Variants in LRRK1 observed in about 807,000 individuals in gnomAD.
LRRK1 encodes leucine-rich repeat serine/threonine-protein kinase 1.
Under a neutral mutation model 209.1 loss-of-function variants are expected in LRRK1, and 113 were observed. The ratio of observed to expected loss-of-function variants is 0.54; its 90% CI spans 0.46 to 0.63. The LOEUF is 0.63. LRRK1 is among the 30% of genes least tolerant of loss of function. The probability of loss-of-function intolerance (pLI) is 0.00; values close to 1 mark genes in which losing one functional copy is unlikely to be tolerated. For missense variants in LRRK1, 2,284 were observed against 2,632.2 expected (o/e 0.87, Z 2.89); for synonymous variants, 1,144 against 1,099.7 (o/e 1.04, Z -0.80).
At chr15:100,997,536 T>A (rs551825683) in intron 6 of LRRK1, among the ~76,000 whole-genome samples, 1 of 152,142 alleles carries the variant, frequency 6.6e-6, no homozygotes, top group Non-Finnish European at 1.5e-5. Flanking sequence ...ATACACAACA[T>A]CACTGGCAAT....
intron 12 of LRRK1, among the ~76,000 whole-genome samples, chr15:101,018,837 C>A (rs1351563163): frequency 6.6e-6 from 1 of 152,174 alleles, no homozygotes; most frequent in Non-Finnish European, 1.5e-5. Flanking sequence ...GAAAAGAAGG[C>A]GGCTCTTTGC....
rs544213342 is a variant in LRRK1, at chr15:101,036,282, C to T, written c.2963+7050C>T. Reference sequence around the variant, plus strand: ...ATCACTCATCGAGAAAATATTTACTCATTATTTTCTTCATTTTTCTTTATT... The same window carrying T: ...ATCACTCATCGAGAAAATATTTACTTATTATTTTCTTCATTTTTCTTTATT... On this transcript the variant is annotated intron_variant, in intron 20 of 33. Coordinates refer to ENST00000388948, the MANE Select transcript of LRRK1 (RefSeq NM_024652.6). Among the ~76,000 whole-genome samples, 4 of 152,220 alleles carry T rather than the reference C, an allele frequency of 2.6e-5. No homozygotes were observed. In the East Asian group the frequency reaches 5.8e-4, roughly 22 times the overall value.
rs536611346 is a variant in LRRK1 at position 101,016,520 on chromosome 15, G to A, written c.1609+1118G>A. Among the ~76,000 whole-genome samples, 9 of 151,920 alleles carry A rather than the reference G, an allele frequency of 5.9e-5. No homozygotes were observed. The South Asian group carries it at 1.9e-3, about 32-fold the overall frequency. On this transcript the variant is annotated intron_variant, in intron 12 of 33. Coordinates refer to ENST00000388948, the MANE Select transcript of LRRK1 (RefSeq NM_024652.6). Reference sequence around the variant, plus strand: ...ATAAGAATGTTAATCTCATCATAAGGGCCCCACCCTCATGACCTCATCTAA... The same window carrying A: ...ATAAGAATGTTAATCTCATCATAAGAGCCCCACCCTCATGACCTCATCTAA...
chr15:101,015,500 C>T lies in LRRK1; in HGVS notation c.1609+98C>T, dbSNP rs2033492971. 23 of 836,390 alleles carry T rather than the reference C, an allele frequency of 2.7e-5. No homozygotes were observed. In the South Asian group the frequency reaches 3.1e-4, roughly 11 times the overall value. The allele number at this position is 836,390 out of a possible 1,614,324, so 51.8% of individuals were successfully genotyped here. On this transcript the variant is annotated intron_variant, in intron 12 of 33. Coordinates refer to ENST00000388948, the MANE Select transcript of LRRK1 (RefSeq NM_024652.6). ...GGGGATCGCCCTTATCTTGGGCCTTCCCCTTCAATGCCCTGTTGCAATGCC... is the reference window on the plus strand; with the variant it reads ...GGGGATCGCCCTTATCTTGGGCCTTTCCCTTCAATGCCCTGTTGCAATGCC...
chr15:100,922,778 T>C (rs1425728577), intron 1 of LRRK1, among the ~76,000 whole-genome samples: 1 of 152,166 alleles, frequency 6.6e-6, no homozygotes, highest in Non-Finnish European at 1.5e-5. Context: ...TTTTCAGGCT[T>C]CCCAACTTCA....
At chr15:101,006,588 T>C (rs1377704999) in intron 6 of LRRK1, among the ~76,000 whole-genome samples, 3 of 152,136 alleles carry the variant, frequency 2.0e-5, no homozygotes, top group South Asian at 4.1e-4. Flanking sequence ...TAATATCGTA[T>C]TGATGTTACA....
chr15:100,921,988 G>T (rs1382983432), intron 1 of LRRK1, among the ~76,000 whole-genome samples: 1 of 152,164 alleles, frequency 6.6e-6, no homozygotes, highest in Non-Finnish European at 1.5e-5. Flanking sequence ...AAAGAGCTGG[G>T]ATTACAAGCG....
At position 100,973,985 on chromosome 15, in the gene LRRK1, C is replaced by T. The variant is rs532720389; in HGVS notation, c.261+18C>T. The T allele has an allele frequency of 4.2e-5, 52 of 1,245,612 alleles. No homozygotes were observed. The East Asian group carries it at 1.4e-3, about 34-fold the overall frequency. 77.2% of individuals were successfully genotyped at this position (1,245,612 alleles called of 1,614,324 possible). A position where few individuals can be genotyped will look rare whatever the true frequency, so the allele number is the denominator to read the frequency against. ...TGGAAAAGGTAGGGGAGCGCCTGCCCCTGCGGCCACCCATGCAGCCCCGGG... is the reference window on the plus strand; with the variant it reads ...TGGAAAAGGTAGGGGAGCGCCTGCCTCTGCGGCCACCCATGCAGCCCCGGG... On this transcript the variant is annotated intron_variant, in intron 3 of 33. Coordinates refer to ENST00000388948, the MANE Select transcript of LRRK1 (RefSeq NM_024652.6).
chr15:100,962,816 T>TACACATATATATATAC (rs2030125624), intron 2 of LRRK1, among the ~76,000 whole-genome samples: 2 of 32,736 alleles, frequency 6.1e-5, no homozygotes, highest in African/African-American at 1.9e-4. Context: ...TATATATATA[T>TACACATATATATATAC]ATATATATTT....
At chr15:100,955,410 A>G (rs751279152) in intron 2 of LRRK1, among the ~76,000 whole-genome samples, 14 of 152,130 alleles carry the variant, frequency 9.2e-5, no homozygotes, top group Non-Finnish European at 1.5e-4. Context: ...TGGAGTCTTT[A>G]GGTTTTCTGC....
chr15:101,019,640 G>T (rs1318908987), intron 12 of LRRK1, among the ~76,000 whole-genome samples: 3 of 152,178 alleles, frequency 2.0e-5, no homozygotes, highest in Non-Finnish European at 4.4e-5. Context: ...CCGAGGCGGG[G>T]TAGCTATGAT....
Position 101,078,151 on chromosome 15 carries a change from C to G in LRRK1, c.*9303C>G, listed in dbSNP as rs1014436503. ...TTGACTGTAATTTTCCTTTACCTAC[C>G]CAAATCCTATAAAACGGCCCCACCC... On this transcript the variant is annotated 3_prime_UTR_variant, in exon 34 of 34. Transcript: ENST00000388948. 6.6e-6 allele frequency: 1 copy of G among 152,094 alleles called. No homozygotes were observed. Among genetic ancestry groups the G allele is most frequent in the African/African-American group, 2.4e-5 (1 of 41,370 alleles). 9.4% of individuals were successfully genotyped at this position (152,094 alleles called of 1,614,324 possible).
chr15:101,014,474 G>C (rs1010326040), intron 11 of LRRK1, 46 bp downstream of exon 11: 1 of 1,320,818 alleles, frequency 7.6e-7, no homozygotes, highest in Non-Finnish European at 1.1e-6. Flanking sequence ...AGCGTGTGTG[G>C]GGCCACGGTC....
At chr15:101,043,014 T>A (rs1475784641) in intron 20 of LRRK1, among the ~76,000 whole-genome samples, 2 of 152,250 alleles carry the variant, frequency 1.3e-5, no homozygotes, top group Non-Finnish European at 2.9e-5. Flanking sequence ...CTCAGGCCTC[T>A]GAGTACTAGT....
At chr15:100,987,943 C>T (rs74040211) in intron 4 of LRRK1, among the ~76,000 whole-genome samples, 4,547 of 152,252 alleles carry the variant, frequency 0.03, 163 homozygotes, top group African/African-American at 0.082. Context: ...TTTCCACACA[C>T]CCATTTTTTA....
At chr15:100,978,211 A>G (rs1357921281) in intron 3 of LRRK1, among the ~76,000 whole-genome samples, 1 of 152,240 alleles carries the variant, frequency 6.6e-6, no homozygotes, top group Non-Finnish European at 1.5e-5. Context: ...AAAGCAAAAG[A>G]AAATAGACTG....
intron 2 of LRRK1, among the ~76,000 whole-genome samples, chr15:100,936,200 C>T (rs539229804): frequency 6.6e-6 from 1 of 152,284 alleles, no homozygotes; most frequent in South Asian, 2.1e-4. Flanking sequence ...GTCATTTTTG[C>T]TACAAAGAAA....
At chr15:101,038,439 A>G (rs2141113703) in intron 20 of LRRK1, among the ~76,000 whole-genome samples, 1 of 152,330 alleles carries the variant, frequency 6.6e-6, no homozygotes, top group East Asian at 1.9e-4. Context: ...TGTGAGACCT[A>G]GAGTGAGCAC....
intron 9 of LRRK1, among the ~76,000 whole-genome samples, chr15:101,011,604 A>ATGTG (rs1436169893): frequency 6.9e-6 from 1 of 145,832 alleles, no homozygotes; most frequent in Non-Finnish European, 1.5e-5. Context: ...GTGTGTGTGC[A>ATGTG]TGTGTGTGTG....
Sources: gnomAD v4.1 joint callset for allele counts (sites outside exome capture counted in the v4.1 genomes callset) on GRCh38, gnomAD v4.1.1 for gene constraint, MANE v1.5 for transcripts, NCBI Gene and HGNC (gene_info 2026-07-23, HGNC 2026-07-21) for gene names.